ASTN2: variants seen among roughly 807,000 people sequenced by gnomAD.
ASTN2 encodes astrotactin 2.
In ASTN2, 54 loss-of-function variants were observed where a neutral mutation model predicts 139.8. That is an observed-to-expected ratio of 0.39 (90% CI 0.31 to 0.48). The LOEUF (loss-of-function observed/expected upper bound fraction) is 0.48, where lower values mean the gene tolerates loss of function less well. Among genes scored for constraint, ASTN2 ranks in the 20% least tolerant of loss-of-function variants. ASTN2 has a pLI of 0.95. For missense variants in ASTN2, 1,565 were observed against 1,725.1 expected (o/e 0.91, Z 1.64); for synonymous variants, 756 against 719.5 (o/e 1.05, Z -0.81).
chr9:117,359,016 C>T (rs1013623184), intron 1 of ASTN2, among the ~76,000 whole-genome samples: 1 of 152,212 alleles, frequency 6.6e-6, no homozygotes, highest in Middle Eastern at 3.4e-3. Context: ...AATATAATTC[C>T]TCTAAGAGTA....
chr9:117,110,974 C>A (rs1829234777), intron 4 of ASTN2, among the ~76,000 whole-genome samples: 1 of 152,064 alleles, frequency 6.6e-6, no homozygotes, highest in Admixed American at 6.6e-5. Context: ...CGGCTGACCT[C>A]TGGACTACAC....
rs765666809 is a variant in ASTN2 at position 116,699,172 on chromosome 9, C to T, written c.2806+26599G>A. ...CTGAGCAAACCATGGGGTATCACAG[C>T]CTTGCCATCTGGCCAGTTTGTAGTA... On this transcript the variant is annotated intron_variant, in intron 16 of 22. Coordinates refer to ENST00000313400, the MANE Select transcript of ASTN2 (RefSeq NM_001365068.1). The surrounding 1 kb of genome is among the most constrained non-coding windows in gnomAD (Gnocchi z 4.2). 5.0e-6 allele frequency: 8 copies of T among 1,614,248 alleles called. No individual in the cohort carries two copies. Among genetic ancestry groups the T allele is most frequent in the Non-Finnish European group, 5.9e-6 (7 of 1,180,048 alleles).
intron 3 of ASTN2, among the ~76,000 whole-genome samples, chr9:117,204,582 A>C (rs1831849530): frequency 6.6e-6 from 1 of 152,224 alleles, no homozygotes; most frequent in African/African-American, 2.4e-5. Context: ...AAGTAATCAC[A>C]ACCAGCTTTA....
At chr9:117,234,472 A>G (rs547545156) in intron 2 of ASTN2, among the ~76,000 whole-genome samples, 75 of 152,144 alleles carry the variant, frequency 4.9e-4, no homozygotes, top group Non-Finnish European at 8.2e-4. Context: ...AGGCAAACAC[A>G]CTCATCTTTC....
intron 1 of ASTN2, among the ~76,000 whole-genome samples, chr9:117,298,704 G>GTGTA (rs1834800930): frequency 3.1e-5 from 1 of 32,518 alleles, no homozygotes; most frequent in Non-Finnish European, 1.1e-4. Context: ...GCATATGTAT[G>GTGTA]TGTGTGTGTG....
At chr9:117,413,434 G>A (rs1405565118) in intron 1 of ASTN2, among the ~76,000 whole-genome samples, 1 of 152,250 alleles carries the variant, frequency 6.6e-6, no homozygotes, top group African/African-American at 2.4e-5. Flanking sequence ...TTGTTGGCCA[G>A]ACTCCGACAA....
chr9:116,733,099 G>T (rs1041871821), intron 14 of ASTN2, among the ~76,000 whole-genome samples: 1 of 152,178 alleles, frequency 6.6e-6, no homozygotes, highest in African/African-American at 2.4e-5. Flanking sequence ...AATGAAAAGT[G>T]TTTTGAGACT....
intron 1 of ASTN2, among the ~76,000 whole-genome samples, chr9:117,407,129 G>A (rs983344972): frequency 4.6e-5 from 7 of 152,092 alleles, no homozygotes; most frequent in Non-Finnish European, 7.4e-5. Context: ...ACCTGAATTC[G>A]GTCTTGAAAA....
intron 17 of ASTN2, among the ~76,000 whole-genome samples, chr9:116,640,865 G>T (rs1241761757): frequency 6.6e-6 from 1 of 152,212 alleles, no homozygotes; most frequent in Non-Finnish European, 1.5e-5. Context: ...TATTGAAATA[G>T]TACAGGCAAG....
At chr9:117,165,083 G>A (rs1279208743) in intron 3 of ASTN2, among the ~76,000 whole-genome samples, 1 of 151,998 alleles carries the variant, frequency 6.6e-6, no homozygotes, top group African/African-American at 2.4e-5. Flanking sequence ...CAACCACTGA[G>A]CTTTGTAACT....
chr9:117,133,345 A>T (rs1029363974), intron 4 of ASTN2, among the ~76,000 whole-genome samples: 2 of 152,172 alleles, frequency 1.3e-5, no homozygotes, highest in Non-Finnish European at 2.9e-5. Flanking sequence ...TGGAGATTTG[A>T]TGCATAAGTC....
chr9:116,742,653 C>T (rs1588256713), intron 13 of ASTN2, among the ~76,000 whole-genome samples: 1 of 152,050 alleles, frequency 6.6e-6, no homozygotes, highest in East Asian at 1.9e-4. Context: ...GAGAGGGTAG[C>T]AGTAAGTGAA....
chr9:116,447,111 C>T (rs1210756848), intron 20 of ASTN2, among the ~76,000 whole-genome samples: 2 of 152,166 alleles, frequency 1.3e-5, no homozygotes, highest in Admixed American at 6.5e-5. Context: ...CTGATGGTTC[C>T]AGAACATGGA....
chr9:116,779,314 C>T (rs1349213725), intron 13 of ASTN2, among the ~76,000 whole-genome samples: 2 of 152,040 alleles, frequency 1.3e-5, no homozygotes, highest in African/African-American at 2.4e-5. Context: ...CCCTTCTGTC[C>T]CTTTTGCCAG....
intron 2 of ASTN2, among the ~76,000 whole-genome samples, chr9:117,244,756 G>A (rs1833328308): frequency 6.8e-6 from 1 of 146,002 alleles, no homozygotes; most frequent in Non-Finnish European, 1.5e-5. Flanking sequence ...AGGAGGGAGG[G>A]AGGGAGAGAG....
At chr9:117,349,662 T>A (rs1164054713) in intron 1 of ASTN2, among the ~76,000 whole-genome samples, 2 of 152,206 alleles carry the variant, frequency 1.3e-5, no homozygotes, top group African/African-American at 4.8e-5. Flanking sequence ...CTGGACTTAA[T>A]GACTCACTTC....
intron 2 of ASTN2, among the ~76,000 whole-genome samples, chr9:117,278,534 C>G (rs769030426): frequency 6.6e-6 from 1 of 152,180 alleles, no homozygotes; most frequent in Non-Finnish European, 1.5e-5. Flanking sequence ...ACCCCTTCCC[C>G]CTCTTCATTC....
chr9:116,733,581 C>T lies in ASTN2; in HGVS notation c.2397-58G>A, dbSNP rs1828844764. The T allele has an allele frequency of 5.6e-6, 9 of 1,606,768 alleles. No individual in the cohort carries two copies. In the Admixed American group the frequency reaches 1.0e-4, roughly 18 times the overall value. On this transcript the variant is annotated intron_variant, in intron 13 of 22. Coordinates refer to ENST00000313400, the MANE Select transcript of ASTN2 (RefSeq NM_001365068.1). ...AGGAAGTGGAGACTGCTGAGGACTA[C>T]AGGGCAAGGAGGCAGGATGCTGTAG...
intron 19 of ASTN2, among the ~76,000 whole-genome samples, chr9:116,607,751 G>C (rs1855288913): frequency 6.7e-6 from 1 of 149,482 alleles, no homozygotes; most frequent in Non-Finnish European, 1.5e-5. Context: ...CACGAGGTCA[G>C]GAGATCGAGA....
Sources: gnomAD v4.1 joint callset for allele counts (sites outside exome capture counted in the v4.1 genomes callset) on GRCh38, gnomAD v4.1.1 for gene constraint, Gnocchi (gnomAD v3.1) non-coding constraint, MANE v1.5 for transcripts, NCBI Gene and HGNC (gene_info 2026-07-23, HGNC 2026-07-21) for gene names.